TNS2: variants seen among roughly 807,000 people sequenced by gnomAD.
TNS2 encodes the protein tensin 2.
In TNS2, 77 loss-of-function variants were observed where a neutral mutation model predicts 155.7. That is an observed-to-expected ratio of 0.49 (90% CI 0.41 to 0.60). The LOEUF is 0.60. Among genes scored for constraint, TNS2 ranks in the 20% least tolerant of loss-of-function variants. The pLI is 0.00. For synonymous variants in TNS2, 726 were observed against 763.9 expected (o/e 0.95, Z 0.82); for missense variants, 1,703 against 1,868.8 (o/e 0.91, Z 1.64).
At chr12:53,058,225 G>C in intron 14 of TNS2, 91 bp from the exon 15 acceptor site, 3 of 1,604,276 alleles carry the variant, frequency 1.9e-6, no homozygotes, top group Non-Finnish European at 2.6e-6. Flanking sequence ...TGAGATCGAG[G>C]CAGGGCAGAA....
At chr12:53,062,573 G>A in intron 24 of TNS2, 47 bp from the exon 25 acceptor site, 3 of 1,611,244 alleles carry the variant, frequency 1.9e-6, no homozygotes, top group South Asian at 2.2e-5. Flanking sequence ...CCAGCCTGGG[G>A]AACACTCTGC....
rs1490987586 is a variant in TNS2 at position 53,057,571 on chromosome 12, A to G, written c.850A>G (p.Ile284Val). ...TELQPSQRRY[I>V]SYFSGLLSGS... ...CCTTGACACGCCCTCCACCAGATAT[A>G]TCAGCTACTTCAGTGGGCTGCTATC... Residue 284 changes from isoleucine (I) to valine (V), a missense_variant, in exon 12 of 29, where the codon ATC (isoleucine) becomes GTC (valine). By Grantham distance (29) the Ile-to-Val change is conservative (BLOSUM62 3). Transcript: ENST00000314250. The G allele has an allele frequency of 6.2e-7, 1 of 1,610,818 alleles. No individual in the cohort carries two copies. Among genetic ancestry groups the G allele is most frequent in the African/African-American group, 1.3e-5 (1 of 74,876 alleles).
intron 5 of TNS2, 30 bp from the exon 6 acceptor site, chr12:53,053,935 G>A: frequency 6.2e-7 from 1 of 1,614,168 alleles, no homozygotes; most frequent in Non-Finnish European, 8.5e-7. Flanking sequence ...TACCCAAAGA[G>A]ATGTCTAGAC....
chr12:53,063,605 AC>A lies in TNS2; in HGVS notation c.4091+14del. On this transcript the variant is annotated intron_variant, in intron 28 of 28. Coordinates refer to ENST00000314250, the MANE Select transcript of TNS2 (RefSeq NM_170754.4). This position sits in a 1 kb window ranked among gnomAD's most constrained non-coding sequence, Gnocchi z 5.6. ...GGACCACCTCCAAGTAAGCCTCCCC[AC>A]GAATTCAGCCTCTTCCTTCCAAGGG... is the stretch of plus-strand genomic sequence containing the variant. 1 of 1,613,056 alleles carries A rather than the reference AC, an allele frequency of 6.2e-7. No homozygotes were observed. Among genetic ancestry groups the A allele is most frequent in the Non-Finnish European group, 8.5e-7 (1 of 1,179,878 alleles).
upstream of TNS2, chr12:53,050,036 C>T (rs910352641): frequency 2.0e-6 from 3 of 1,466,440 alleles, no homozygotes; most frequent in Non-Finnish European, 2.7e-6. The surrounding 1 kb of genome is among the most constrained non-coding windows in gnomAD (Gnocchi z 4.7). Context: ...CCCTCCACTT[C>T]CAGGGCCGGG....
chr12:53,060,511 C>T lies in TNS2; in HGVS notation c.2724C>T (p.Pro908=), dbSNP rs1297278607. 2 of 1,613,880 alleles carry T rather than the reference C, an allele frequency of 1.2e-6. No homozygotes were observed. Among genetic ancestry groups the T allele is most frequent in the South Asian group, 1.1e-5 (1 of 91,086 alleles). The change falls in exon 19 of 29, where the codon CCC becomes CCT. Residue 908 remains proline, a synonymous_variant. Coordinates refer to ENST00000314250, the MANE Select transcript of TNS2 (RefSeq NM_170754.4). The surrounding 1 kb of genome is among the most constrained non-coding windows in gnomAD (Gnocchi z 6.1). The part of the protein sequence containing the change: ...PCSASSELSG[P]STPLHTSSPV... ...GTGCTTCGTCAGAGTTGTCTGGTCCCTCCACGCCCCTGCACACCAGCAGTC... is the reference window on the plus strand; with the variant it reads ...GTGCTTCGTCAGAGTTGTCTGGTCCTTCCACGCCCCTGCACACCAGCAGTC...
Position 53,062,177 on chromosome 12 carries a change from G to A in TNS2, c.3599G>A (p.Arg1200His), listed in dbSNP as rs1024819716. 3.1e-6 allele frequency: 5 copies of A among 1,613,970 alleles called. No homozygotes were observed. In the South Asian group the frequency reaches 3.3e-5, roughly 11 times the overall value. ...WKGDPVEQLVRHFLIETGPKG... is the reference protein window; with the variant it reads ...WKGDPVEQLVHHFLIETGPKG... ...GGGGACCCCGTGGAACAGCTGGTCC[G>A]CCATTTCCTCATCGAGACTGGGCCC... Residue 1200 changes from arginine to histidine, a missense_variant, in exon 23 of 29, where the codon CGC becomes CAC. By Grantham distance (29) the Arg-to-His change is conservative. Transcript: ENST00000314250.
At chr12:53,051,730 A>C (rs1943939867) in intron 1 of TNS2, 125 bp from the exon 2 acceptor site, 1 of 721,744 alleles carries the variant, frequency 1.4e-6, no homozygotes, top group South Asian at 1.8e-5. Flanking sequence ...TGCGTCCTAC[A>C]AGTTTGAGGG....
rs377505731 is a variant in TNS2 at position 53,058,547 on chromosome 12, G to C, written c.1226-25G>C. On this transcript the variant is annotated intron_variant, in intron 15 of 28. Transcript: ENST00000314250. ...GAGTGTGGTATGGGCCAGGGGCCTGGTTCTTCACTGTCCACTCCCCATAGA... is the reference window on the plus strand; with the variant it reads ...GAGTGTGGTATGGGCCAGGGGCCTGCTTCTTCACTGTCCACTCCCCATAGA... The C allele has an allele frequency of 1.6e-5, 26 of 1,613,938 alleles. No individual in the cohort carries two copies. The Middle Eastern group carries it at 4.9e-4, about 31-fold the overall frequency.
chr12:53,047,209 G>T (rs1416765755), upstream of TNS2: 9 of 146,642 alleles, frequency 6.1e-5, no homozygotes, highest in African/African-American at 2.2e-4. Context: ...CGCGGCGGGG[G>T]CGGGAGGGAG....
Position 53,058,802 on chromosome 12 carries a change from C to G in TNS2, c.1380C>G (p.Asn460Lys). ...AVRWDSYENF[N>K]QHHEDSVDGS... ...GCTGGGACTCCTATGAGAACTTCAACCAGCACCACGAGGACAGTGTGGATG... is the reference window on the plus strand; with the variant it reads ...GCTGGGACTCCTATGAGAACTTCAAGCAGCACCACGAGGACAGTGTGGATG... Residue 460 changes from asparagine (N) to lysine (K), a missense_variant, in exon 17 of 29, where the codon AAC becomes AAG. Physicochemically the swap from Asn to Lys is moderately conservative, Grantham distance 94. Transcript: ENST00000314250. The G allele has an allele frequency of 6.2e-7, 1 of 1,613,840 alleles. No individual in the cohort carries two copies. Among genetic ancestry groups the G allele is most frequent in the Non-Finnish European group, 8.5e-7 (1 of 1,179,998 alleles).
intron 7 of TNS2, 132 bp from the exon 8 acceptor site, chr12:53,055,054 G>A (rs545795982): frequency 9.9e-7 from 1 of 1,006,358 alleles, no homozygotes; most frequent in South Asian, 1.5e-5. Flanking sequence ...AAAGTGCTGG[G>A]GTTATAGGCG....
In TNS2 at chr12:53,061,516, G is replaced by T. The variant is rs538015470; in HGVS notation, c.3448+47G>T. ...ACCCCACTGCATCCCACCTTCCAGG[G>T]TGTCTGTCTTGGCTTTAAGTCCCAT... is the stretch of plus-strand genomic sequence containing the variant. On this transcript the variant is annotated intron_variant, in intron 21 of 28. Transcript: ENST00000314250. 5.9e-5 allele frequency: 94 copies of T among 1,599,542 alleles called. No individual in the cohort carries two copies. In the South Asian group the frequency reaches 7.7e-4, roughly 13 times the overall value.
chr12:53,061,035 G>A lies in TNS2; in HGVS notation c.3129G>A (p.Val1043=), dbSNP rs1353307742. 1 of 1,613,730 alleles carries A rather than the reference G, an allele frequency of 6.2e-7. No homozygotes were observed. The highest frequency in any genetic ancestry group is 1.7e-5 in the Admixed American group (1 of 59,998). ...TPVPSQMPWL[V]ASPEPPQSSP... is the part of the protein sequence containing the mutation. ...TGCCTTCCCAGATGCCCTGGCTTGT[G>A]GCCAGCCCAGAGCCGCCTCAGAGCT... Residue 1043 remains valine, a synonymous_variant, in exon 20 of 29, where the codon GTG becomes GTA. Coordinates refer to ENST00000314250, the MANE Select transcript of TNS2 (RefSeq NM_170754.4).
Position 53,058,773 on chromosome 12 carries a change from G to A in TNS2, c.1351G>A (p.Val451Met), listed in dbSNP as rs372106986. 47 of 1,613,790 alleles carry A rather than the reference G, an allele frequency of 2.9e-5. No homozygotes were observed. The highest frequency in any genetic ancestry group is 9.4e-5 in the African/African-American group (7 of 74,864). ...SVDYNTTEPA[V>M]RWDSYENFNQ... ...CGACTACAACACCACTGAGCCAGCC[G>A]TGCGCTGGGACTCCTATGAGAACTT... The change falls in exon 17 of 29, where the codon GTG becomes ATG. Residue 451 changes from valine to methionine, a missense_variant. By Grantham distance (21) the Val-to-Met change is conservative (BLOSUM62 1). Transcript: ENST00000314250.
intron 22 of TNS2, 62 bp downstream of exon 22, chr12:53,062,002 G>A: frequency 1.9e-6 from 3 of 1,610,290 alleles, no homozygotes. Flanking sequence ...CAGAGGCAAG[G>A]TAACAGGGCA....
In TNS2 at chr12:53,055,653, G is replaced by A. The variant is rs779774250; in HGVS notation, c.659G>A (p.Ser220Asn). 6.2e-7 allele frequency: 1 copy of A among 1,614,152 alleles called. No homozygotes were observed. The highest frequency in any genetic ancestry group is 1.3e-5 in the African/African-American group (1 of 75,060). The change falls in exon 9 of 29, where the codon AGT becomes AAT. Residue 220 changes from serine (S) to asparagine (N), a missense_variant. By Grantham distance (46) the Ser-to-Asn change is conservative. Transcript: ENST00000314250. ...SICKAMETWL[S>N]ADPQHVVVLY... The stretch of plus-strand genomic sequence containing the variant: ...TGCAAAGCCATGGAGACATGGCTCA[G>A]TGCTGACCCACAGCACGTGGTCGTA...
In TNS2 at chr12:53,059,300, G is replaced by C. The variant is rs557137178; in HGVS notation, c.1659G>C (p.Gly553=). The part of the protein sequence containing the change: ...RLLGGCGVAS[G]GRGAGRETAI... ...TAGGAGGCTGCGGAGTGGCCAGTGGGGGCCGGGGAGCTGGGCGCGAGACGG... is the reference window on the plus strand; with the variant it reads ...TAGGAGGCTGCGGAGTGGCCAGTGGCGGCCGGGGAGCTGGGCGCGAGACGG... The change falls in exon 18 of 29, where the codon GGG becomes GGC. Residue 553 remains glycine (G), a synonymous_variant. Coordinates refer to ENST00000314250, the MANE Select transcript of TNS2 (RefSeq NM_170754.4). The surrounding 1 kb of genome is among the most constrained non-coding windows in gnomAD (Gnocchi z 4.7). 239 of 1,467,182 alleles carry C rather than the reference G, an allele frequency of 1.6e-4. No individual in the cohort carries two copies. The highest frequency in any genetic ancestry group is 9.2e-4 in the Admixed American group (36 of 38,920). 90.9% of individuals were successfully genotyped at this position (1,467,182 alleles called of 1,614,324 possible). A position where few individuals can be genotyped will look rare whatever the true frequency, so the allele number is the denominator to read the frequency against.
chr12:53,055,453 AC>A, intron 8 of TNS2, 114 bp from the exon 9 acceptor site: 1 of 1,349,214 alleles, frequency 7.4e-7, no homozygotes, highest in Non-Finnish European at 1.0e-6. Context: ...ATCATGGACA[AC>A]CAGCAGACCC....
Sources: allele counts gnomAD v4.1 joint callset, GRCh38; gene constraint gnomAD v4.1.1; non-coding constraint Gnocchi (gnomAD v3.1); transcripts MANE v1.5; gene names NCBI Gene and HGNC (gene_info 2026-07-23, HGNC 2026-07-21).